Variants in ITGA2 observed in about 807,000 individuals in gnomAD.
ITGA2 encodes the protein integrin alpha-2.
A neutral mutation model predicts 146.3 loss-of-function variants in ITGA2; 101 were observed. That is an observed-to-expected ratio of 0.69 (90% confidence interval 0.59 to 0.81). The LOEUF (loss-of-function observed/expected upper bound fraction) is 0.81, where lower values mean the gene tolerates loss of function less well. ITGA2 is among the 40% of genes least tolerant of loss of function. ITGA2 has a pLI of 0.00. For synonymous variants in ITGA2, 477 were observed against 487.1 expected (o/e 0.98, Z 0.27); for missense variants, 1,281 against 1,402.7 (o/e 0.91, Z 1.39).
chr5:53,079,963 A>G (rs1373043873), intron 24 of ITGA2, among the ~76,000 whole-genome samples: 2 of 152,132 alleles, frequency 1.3e-5, no homozygotes, highest in Non-Finnish European at 2.9e-5. Flanking sequence ...CAGATGCTGT[A>G]CCAGTGCCCT....
chr5:53,062,683 A>G, intron 12 of ITGA2, 103 bp from the exon 13 acceptor site: 1 of 1,271,608 alleles, frequency 7.9e-7, no homozygotes, highest in South Asian at 1.2e-5. Context: ...CAAATAGTAA[A>G]CACTCAATTT....
At chr5:53,028,630 A>G (rs931155781) in intron 2 of ITGA2, among the ~76,000 whole-genome samples, 7 of 152,156 alleles carry the variant, frequency 4.6e-5, no homozygotes, top group East Asian at 1.9e-4. Context: ...TCAGACTGCT[A>G]TATTAAACAA....
chr5:53,060,669 G>A (rs1744862909), intron 11 of ITGA2, among the ~76,000 whole-genome samples: 1 of 151,884 alleles, frequency 6.6e-6, no homozygotes, highest in African/African-American at 2.4e-5. Flanking sequence ...GAATCTAGAG[G>A]CAGTTTTATA....
intron 1 of ITGA2, among the ~76,000 whole-genome samples, chr5:52,991,435 T>C (rs1428378816): frequency 6.6e-6 from 1 of 151,866 alleles, no homozygotes; most frequent in Non-Finnish European, 1.5e-5. Context: ...CACACACACA[T>C]AACTGTTATA....
Position 53,083,328 on chromosome 5 carries a change from C to A in ITGA2, c.3145-12C>A, listed in dbSNP as rs368414557. 5.1e-5 allele frequency: 78 copies of A among 1,522,602 alleles called. No individual in the cohort carries two copies. In the African/African-American group the frequency reaches 1.1e-3, roughly 21 times the overall value. The allele number at this position is 1,522,602 out of a possible 1,614,324, so 94.3% of individuals were successfully genotyped here. A position where few individuals can be genotyped will look rare whatever the true frequency, so the allele number is the denominator to read the frequency against. ...CTTGCTCTCTCTTTTACCTTTGACT[C>A]AATACTATAAGAACTGCAGAACTGC... is the stretch of plus-strand genomic sequence containing the variant. On this transcript the variant is annotated splice_polypyrimidine_tract_variant and intron_variant, in intron 26 of 29. Coordinates refer to ENST00000296585, the MANE Select transcript of ITGA2 (RefSeq NM_002203.4).
chr5:53,090,819 A>G lies in ITGA2; in HGVS notation c.*220A>G, dbSNP rs938334754. The G allele has an allele frequency of 1.6e-6, 1 of 606,114 alleles. No homozygotes were observed. 37.5% of individuals were successfully genotyped at this position (606,114 alleles called of 1,614,324 possible). A position where few individuals can be genotyped will look rare whatever the true frequency, so the allele number is the denominator to read the frequency against. On this transcript the variant is annotated 3_prime_UTR_variant, in exon 30 of 30. Transcript: ENST00000296585. Reference sequence around the variant, plus strand: ...TAGGGAAATAATAGGGAAAATACCTATTTTATATGATGGGGGAAAAAAAGT... The same window carrying G: ...TAGGGAAATAATAGGGAAAATACCTGTTTTATATGATGGGGGAAAAAAAGT...
chr5:53,090,454 G>C (rs1740355919), intron 29 of ITGA2, 65 bp from the exon 30 acceptor site: 1 of 1,392,822 alleles, frequency 7.2e-7, no homozygotes. Context: ...GGCAGCCAAG[G>C]GGGTCAGAGG....
intron 2 of ITGA2, among the ~76,000 whole-genome samples, chr5:53,034,237 A>G (rs1345758068): frequency 1.3e-5 from 2 of 152,088 alleles, no homozygotes; most frequent in Non-Finnish European, 1.5e-5. Flanking sequence ...AATTTTATAA[A>G]TACTTATTAT....
At chr5:53,074,967 G>C in intron 21 of ITGA2, 94 bp from the exon 22 acceptor site, 1 of 813,028 alleles carries the variant, frequency 1.2e-6, no homozygotes, top group South Asian at 1.5e-5. Context: ...AATCAAATTT[G>C]AGTGAGTTTA....
At chr5:53,015,123 G>A (rs1742338343) in intron 1 of ITGA2, among the ~76,000 whole-genome samples, 1 of 151,942 alleles carries the variant, frequency 6.6e-6, no homozygotes, top group African/African-American at 2.4e-5. Context: ...TTGGTTATAT[G>A]TTGCTTTCTG....
chr5:53,068,187 A>G (rs1439218903), intron 16 of ITGA2, among the ~76,000 whole-genome samples: 1 of 151,958 alleles, frequency 6.6e-6, no homozygotes, highest in African/African-American at 2.4e-5. Flanking sequence ...AGATACAAAT[A>G]AGATGAGAAC....
chr5:53,070,265 G>A lies in ITGA2; in HGVS notation c.2235+5G>A. ...GAGCACATCATTTATATACAGGTAA[G>A]GCCTCAGGAACATCCCTTTTGACTT... On this transcript the variant is annotated splice_donor_5th_base_variant and intron_variant, in intron 17 of 29. Transcript: ENST00000296585. 1.9e-6 allele frequency: 3 copies of A among 1,611,338 alleles called. No individual in the cohort carries two copies. The highest frequency in any genetic ancestry group is 2.5e-6 in the Non-Finnish European group (3 of 1,178,202).
At chr5:53,005,154 A>T (rs1006356777) in intron 1 of ITGA2, among the ~76,000 whole-genome samples, 2 of 151,734 alleles carry the variant, frequency 1.3e-5, no homozygotes, top group South Asian at 2.1e-4. Context: ...GAGTAACCCC[A>T]CTTCCTGTTT....
chr5:53,078,903 A>G (rs1745782419), intron 24 of ITGA2, 29 bp downstream of exon 24: 1 of 1,234,678 alleles, frequency 8.1e-7, no homozygotes, highest in Non-Finnish European at 1.2e-6. Context: ...AGGATGGCAA[A>G]TCCAGGAGAA....
rs1178929933 is a variant in ITGA2, at chr5:53,094,355, GTAAA to G, written c.*3761_*3764del. 1.3e-5 allele frequency: 2 copies of G among 150,958 alleles called. No homozygotes were observed. The highest frequency in any genetic ancestry group is 3.0e-5 in the Non-Finnish European group (2 of 67,456). 9.4% of individuals were successfully genotyped at this position (150,958 alleles called of 1,614,324 possible). A position where few individuals can be genotyped will look rare whatever the true frequency, so the allele number is the denominator to read the frequency against. ...TAAAGACTGAAACTGTAGCCATTATGTAAATAAAGTTTCATATGTACCTGTTTAT... is the reference window on the plus strand; with the variant it reads ...TAAAGACTGAAACTGTAGCCATTATGTAAAGTTTCATATGTACCTGTTTAT... On this transcript the variant is annotated 3_prime_UTR_variant, in exon 30 of 30. Coordinates refer to ENST00000296585, the MANE Select transcript of ITGA2 (RefSeq NM_002203.4).
intron 13 of ITGA2, among the ~76,000 whole-genome samples, chr5:53,064,359 A>G (rs1005513789): frequency 1.4e-4 from 21 of 151,970 alleles, no homozygotes; most frequent in Non-Finnish European, 2.8e-4. Context: ...GTTCAGCTAC[A>G]GTAAAGAGAA....
At position 53,089,976 on chromosome 5, in the gene ITGA2, A is replaced by C. The variant is rs3212645; in HGVS notation, c.3379A>C (p.Lys1127Gln). The change falls in exon 29 of 30, where the codon AAA becomes CAA. Residue 1127 changes from lysine to glutamine, a missense_variant. Physicochemically the swap from Lys to Gln is moderately conservative, Grantham distance 53. This residue lies in a region of ITGA2 where 475 missense variants were observed against 530.5 expected (regional missense o/e 0.90). Coordinates refer to ENST00000296585, the MANE Select transcript of ITGA2 (RefSeq NM_002203.4). ...CCTGATGATAATGAAACCTGATGAGAAAGCCGAAGTACCAACAGGAGTTAT... is the reference window on the plus strand; with the variant it reads ...CCTGATGATAATGAAACCTGATGAGCAAGCCGAAGTACCAACAGGAGTTAT... ...IPLMIMKPDE[K>Q]AEVPTGVIIG... The C allele has an allele frequency of 1.0e-3, 1,655 of 1,612,522 alleles. 20 individuals are homozygous for C. The African/African-American group carries it at 0.02, about 20-fold the overall frequency.
At chr5:53,018,824 G>A (rs574490316) in intron 1 of ITGA2, among the ~76,000 whole-genome samples, 5 of 152,214 alleles carry the variant, frequency 3.3e-5, no homozygotes, top group African/African-American at 7.2e-5. Flanking sequence ...AGCACTTTGG[G>A]AGGCCGAGGC....
At chr5:53,090,495 A>C in intron 29 of ITGA2, 24 bp from the exon 30 acceptor site, 2 of 1,610,068 alleles carry the variant, frequency 1.2e-6, no homozygotes, top group South Asian at 1.1e-5. Context: ...GGGTGGTAAC[A>C]TTCTTATATC....
Sources: allele counts gnomAD v4.1 joint callset (sites outside exome capture counted in the v4.1 genomes callset), GRCh38; gene constraint gnomAD v4.1.1; regional missense constraint gnomAD v4.1.1; transcripts MANE v1.5; gene names NCBI Gene and HGNC (gene_info 2026-07-23, HGNC 2026-07-21).